Variants in CUL1 observed in about 807,000 individuals in gnomAD.
The protein encoded by CUL1 is cullin-1.
In CUL1, 24 loss-of-function variants were observed where a neutral mutation model predicts 118.0. That is an observed-to-expected ratio of 0.20 (90% confidence interval 0.15 to 0.29). The LOEUF (loss-of-function observed/expected upper bound fraction) is 0.29, where lower values mean the gene tolerates loss of function less well. Among genes scored for constraint, CUL1 ranks in the 10% least tolerant of loss-of-function variants. CUL1 has a pLI of 1.00. For synonymous variants in CUL1, 332 were observed against 340.4 expected (o/e 0.98, Z 0.27); for missense variants, 361 against 933.8 (o/e 0.39, Z 7.99).
At chr7:148,716,792 A>G (rs1200283279) in intron 1 of CUL1, among the ~76,000 whole-genome samples, 1 of 152,090 alleles carries the variant, frequency 6.6e-6, no homozygotes, top group African/African-American at 2.4e-5. Context: ...GCAGTGCTCT[A>G]TTGTCCTAAC....
chr7:148,792,470 A>G lies in CUL1; in HGVS notation c.1807-256A>G, dbSNP rs115347712. Among the ~76,000 whole-genome samples, 272 of 152,358 alleles carry G rather than the reference A, an allele frequency of 1.8e-3. 1 individual carries two copies. Among genetic ancestry groups the G allele is most frequent in the African/African-American group, 6.1e-3 (253 of 41,582 alleles). ...TCTATAGTATGTATCCACATAGACA[A>G]TACGTTTTTTAAAAAAAACCCTCAA... is the stretch of plus-strand genomic sequence containing the variant. On this transcript the variant is annotated intron_variant, in intron 16 of 21. Coordinates refer to ENST00000325222, the MANE Select transcript of CUL1 (RefSeq NM_003592.3).
chr7:148,722,352 C>A (rs1218981696), intron 1 of CUL1, among the ~76,000 whole-genome samples: 1 of 152,204 alleles, frequency 6.6e-6, no homozygotes, highest in African/African-American at 2.4e-5. Context: ...ACTTCTTTAC[C>A]CACCTCAGTT....
At chr7:148,709,873 A>T (rs2096141481) in intron 1 of CUL1, among the ~76,000 whole-genome samples, 1 of 151,970 alleles carries the variant, frequency 6.6e-6, no homozygotes, top group African/African-American at 2.4e-5. Flanking sequence ...GCTTGAGCTT[A>T]CGAGTTCGAG....
At chr7:148,785,173 A>G (rs966464332) in intron 11 of CUL1, among the ~76,000 whole-genome samples, 21 of 152,144 alleles carry the variant, frequency 1.4e-4, no homozygotes, top group Non-Finnish European at 8.8e-5. Context: ...GTTTATTGCA[A>G]TAAACAGGAG....
intron 1 of CUL1, among the ~76,000 whole-genome samples, chr7:148,709,306 A>C (rs1383792597): frequency 6.6e-6 from 1 of 152,230 alleles, no homozygotes; most frequent in Admixed American, 6.5e-5. Flanking sequence ...AATAGTCCTA[A>C]AGTGTGCATC....
At chr7:148,769,487 C>A (rs1361598084) in intron 9 of CUL1, among the ~76,000 whole-genome samples, 1 of 149,320 alleles carries the variant, frequency 6.7e-6, no homozygotes, top group South Asian at 2.1e-4. Flanking sequence ...GGGGTCAATT[C>A]GGTGAAGACA....
At chr7:148,698,199 G>A (rs563275298), upstream of CUL1, 4 of 152,398 alleles carry the variant, frequency 2.6e-5, no homozygotes, top group African/African-American at 4.8e-5. Context: ...CCGATTCGGA[G>A]GGCCACCTCT....
At chr7:148,785,735 C>T (rs1318090794) in intron 11 of CUL1, among the ~76,000 whole-genome samples, 4 of 152,036 alleles carry the variant, frequency 2.6e-5, no homozygotes, top group Non-Finnish European at 5.9e-5. Context: ...GTTAAGGCCA[C>T]TGATGCAGAC....
At chr7:148,767,994 T>C (rs1800062266) in intron 9 of CUL1, among the ~76,000 whole-genome samples, 1 of 152,164 alleles carries the variant, frequency 6.6e-6, no homozygotes, top group Non-Finnish European at 1.5e-5. Flanking sequence ...TTTTATGCCT[T>C]CTCACTGTTA....
In CUL1 at chr7:148,714,848, TGTAA is replaced by T. The variant is rs371303778; in HGVS notation, c.-161-15106_-161-15103del. ...AGAAGTTCTGTTGTGAGACTTCTGCTGTAAGTAAGTATCATTGGTTGTACTTTGT... is the reference window on the plus strand; with the variant it reads ...AGAAGTTCTGTTGTGAGACTTCTGCTGTAAGTATCATTGGTTGTACTTTGT... On this transcript the variant is annotated intron_variant, in intron 1 of 21. Coordinates refer to ENST00000325222, the MANE Select transcript of CUL1 (RefSeq NM_003592.3). 1.4e-3 allele frequency among the ~76,000 whole-genome samples: 208 copies of T among 152,330 alleles called. 2 individuals carry two copies. The highest frequency in any genetic ancestry group is 4.7e-3 in the African/African-American group (197 of 41,570).
chr7:148,728,880 A>G (rs1196348685), intron 1 of CUL1, among the ~76,000 whole-genome samples: 7 of 152,234 alleles, frequency 4.6e-5, no homozygotes, highest in South Asian at 2.1e-4. Flanking sequence ...TTACTTGACA[A>G]GGTAACTGGG....
intron 1 of CUL1, among the ~76,000 whole-genome samples, chr7:148,714,309 A>G (rs1798142246): frequency 6.6e-6 from 1 of 152,218 alleles, no homozygotes; most frequent in Non-Finnish European, 1.5e-5. Context: ...TTTTGTGGTA[A>G]GAACTTTTAA....
intron 11 of CUL1, among the ~76,000 whole-genome samples, chr7:148,784,447 G>C (rs1800754402): frequency 1.3e-5 from 2 of 152,088 alleles, no homozygotes; most frequent in Non-Finnish European, 2.9e-5. Flanking sequence ...ATGAGTTTTT[G>C]TTGCTGTTTC....
intron 9 of CUL1, among the ~76,000 whole-genome samples, chr7:148,782,186 C>A (rs1191771825): frequency 6.6e-6 from 1 of 152,194 alleles, no homozygotes; most frequent in Admixed American, 6.5e-5. Flanking sequence ...GATCTAAAAT[C>A]TGAATTGGCA....
At chr7:148,786,906 G>A in intron 12 of CUL1, 83 bp from the exon 13 acceptor site, 1 of 1,537,026 alleles carries the variant, frequency 6.5e-7, no homozygotes. Context: ...CTTGGCTCCT[G>A]GCTTGTGGCC....
intron 2 of CUL1, among the ~76,000 whole-genome samples, chr7:148,741,468 G>T (rs1026400815): frequency 6.6e-6 from 1 of 152,306 alleles, no homozygotes; most frequent in East Asian, 1.9e-4. Flanking sequence ...TTGAGACAGA[G>T]TCTTGCTGTA....
At chr7:148,718,003 T>C (rs1443082833) in intron 1 of CUL1, among the ~76,000 whole-genome samples, 1 of 152,234 alleles carries the variant, frequency 6.6e-6, no homozygotes, top group African/African-American at 2.4e-5. Context: ...TATAAACCCC[T>C]CTCTATTGGT....
chr7:148,768,354 G>A (rs1054387259), intron 9 of CUL1, among the ~76,000 whole-genome samples: 7 of 150,494 alleles, frequency 4.7e-5, no homozygotes, highest in South Asian at 2.1e-4. Context: ...GTTGTAACTG[G>A]GAGAACAATA....
At chr7:148,745,220 T>C (rs1799273936) in intron 2 of CUL1, among the ~76,000 whole-genome samples, 1 of 152,176 alleles carries the variant, frequency 6.6e-6, no homozygotes, top group South Asian at 2.1e-4. Context: ...ATGGTTTCTG[T>C]TTTTGTGCTG....
Sources: gnomAD v4.1 joint callset for allele counts (sites outside exome capture counted in the v4.1 genomes callset) on GRCh38, gnomAD v4.1.1 for gene constraint, MANE v1.5 for transcripts, NCBI Gene and HGNC (gene_info 2026-07-23, HGNC 2026-07-21) for gene names.